The following RALA variants were observed in gnomAD, a reference collection of about 807,000 sequenced individuals.
RALA encodes the protein RAS like proto-oncogene A.
A neutral mutation model predicts 24.0 loss-of-function variants in RALA; 5 were observed. The ratio of observed to expected loss-of-function variants is 0.21; its 90% CI spans 0.11 to 0.44. The LOEUF (loss-of-function observed/expected upper bound fraction) is 0.44, where lower values mean the gene tolerates loss of function less well. RALA is among the 20% of genes least tolerant of loss of function. RALA has a pLI of 0.99. For missense variants in RALA, 95 were observed against 241.2 expected, an observed-to-expected ratio of 0.39 and a Z score of 4.01; for synonymous variants, 77 against 83.8, an observed-to-expected ratio of 0.92 and a Z score of 0.44.
intron 4 of RALA, among the ~76,000 whole-genome samples, chr7:39,703,803 A>G (rs1482647584): frequency 1.3e-5 from 2 of 152,202 alleles, no homozygotes; most frequent in Non-Finnish European, 2.9e-5. Flanking sequence ...AAATTACATT[A>G]ACATAATTCC....
At chr7:39,678,117 G>A (rs1186646438) in intron 1 of RALA, among the ~76,000 whole-genome samples, 2 of 150,108 alleles carry the variant, frequency 1.3e-5, no homozygotes, top group Admixed American at 6.7e-5. Context: ...TGGGTGCAGC[G>A]CACCAGCATG....
chr7:39,676,610 T>C (rs1375419272), intron 1 of RALA, among the ~76,000 whole-genome samples: 3 of 152,182 alleles, frequency 2.0e-5, no homozygotes, highest in Non-Finnish European at 4.4e-5. Context: ...GATTTTTGGA[T>C]TAGCTGTGCT....
In RALA at chr7:39,690,330, T is replaced by G. The variant is rs1373570432; in HGVS notation, c.115-52T>G. 6 of 1,459,958 alleles carry G rather than the reference T, an allele frequency of 4.1e-6. No homozygotes were observed. The East Asian group carries it at 1.4e-4, about 33-fold the overall frequency. 90.4% of individuals were successfully genotyped at this position (1,459,958 alleles called of 1,614,324 possible). A position where few individuals can be genotyped will look rare whatever the true frequency, so the allele number is the denominator to read the frequency against. On this transcript the variant is annotated intron_variant, in intron 2 of 4. Coordinates refer to ENST00000005257, the MANE Select transcript of RALA (RefSeq NM_005402.4). ...ACATGAATTTATAATTATTTCAAAATAAGTTTTGAAACGTAATAATTAAAA... is the reference window on the plus strand; with the variant it reads ...ACATGAATTTATAATTATTTCAAAAGAAGTTTTGAAACGTAATAATTAAAA...
intron 1 of RALA, among the ~76,000 whole-genome samples, chr7:39,670,031 C>T (rs893110086): frequency 1.3e-5 from 2 of 152,168 alleles, no homozygotes; most frequent in Non-Finnish European, 2.9e-5. Flanking sequence ...GAAACTCAAA[C>T]TACCAGGCTA....
intron 1 of RALA, among the ~76,000 whole-genome samples, chr7:39,681,485 T>TA (rs1275546111): frequency 1.3e-5 from 2 of 151,762 alleles, no homozygotes; most frequent in South Asian, 2.1e-4. Context: ...ACCCCATTCT[T>TA]ACCTCAATTG....
At position 39,646,692 on chromosome 7, in the gene RALA, T is replaced by C. The variant is rs967481227; in HGVS notation, c.-38+22867T>C. The stretch of plus-strand genomic sequence containing the variant: ...GTTTCTCTATAAAAGTTTCTAAGTG[T>C]GTACTCTCAAATTTATTCTGTTCTA... On this transcript the variant is annotated intron_variant, in intron 1 of 4. Transcript: ENST00000005257. Among the ~76,000 whole-genome samples the C allele has an allele frequency of 2.4e-4, 37 of 152,354 alleles. 1 individual carries two copies. Among genetic ancestry groups the C allele is most frequent in the South Asian group, 2.1e-3 (10 of 4,824 alleles).
chr7:39,663,325 G>C (rs529049779), intron 1 of RALA, among the ~76,000 whole-genome samples: 1 of 152,134 alleles, frequency 6.6e-6, no homozygotes, highest in Non-Finnish European at 1.5e-5. Context: ...ACTACCTCCT[G>C]TTGCTATTGT....
chr7:39,668,099 A>G (rs1180164274), intron 1 of RALA, among the ~76,000 whole-genome samples: 2 of 152,272 alleles, frequency 1.3e-5, no homozygotes, highest in African/African-American at 4.8e-5. Flanking sequence ...TAAATACTAC[A>G]TAGAAAAAGT....
intron 1 of RALA, among the ~76,000 whole-genome samples, chr7:39,632,232 A>G (rs1281385908): frequency 6.6e-6 from 1 of 152,164 alleles, no homozygotes. Context: ...TACTTCCATC[A>G]TTGCTTCTCT....
At chr7:39,648,523 A>G (rs1023563656) in intron 1 of RALA, among the ~76,000 whole-genome samples, 1 of 152,174 alleles carries the variant, frequency 6.6e-6, no homozygotes, top group South Asian at 2.1e-4. Context: ...AGTAAATACA[A>G]TGGGCAAAAT....
At chr7:39,630,747 A>C (rs1791584113) in intron 1 of RALA, among the ~76,000 whole-genome samples, 1 of 152,076 alleles carries the variant, frequency 6.6e-6, no homozygotes, top group Non-Finnish European at 1.5e-5. Context: ...TGCCCCAATG[A>C]CATTTATTTA....
chr7:39,697,274 C>T (rs1792937668), intron 4 of RALA: 1 of 413,232 alleles, frequency 2.4e-6, no homozygotes. Flanking sequence ...GATGAAGAAG[C>T]CCCCAGATAA....
At chr7:39,637,230 A>G (rs905386617) in intron 1 of RALA, among the ~76,000 whole-genome samples, 1 of 152,206 alleles carries the variant, frequency 6.6e-6, no homozygotes, top group Admixed American at 6.5e-5. Flanking sequence ...AAATGATGCT[A>G]GGTTTAATCC....
intron 4 of RALA, among the ~76,000 whole-genome samples, chr7:39,698,710 G>A (rs1792964569): frequency 6.6e-6 from 1 of 152,090 alleles, no homozygotes; most frequent in Admixed American, 6.6e-5. Flanking sequence ...TGCAGACACT[G>A]GCAATCCAAG....
At chr7:39,632,738 G>A (rs766060703) in intron 1 of RALA, among the ~76,000 whole-genome samples, 10 of 152,144 alleles carry the variant, frequency 6.6e-5, no homozygotes, top group Non-Finnish European at 1.5e-4. Context: ...GATCACTTGA[G>A]CCCAGGAGGG....
At chr7:39,663,252 TATTAA>T (rs969924721) in intron 1 of RALA, among the ~76,000 whole-genome samples, 1 of 152,188 alleles carries the variant, frequency 6.6e-6, no homozygotes, top group Non-Finnish European at 1.5e-5. Flanking sequence ...AAAGATTCAG[TATTAA>T]ATTATAACTG....
intron 4 of RALA, among the ~76,000 whole-genome samples, chr7:39,699,121 ATTT>A (rs71560137): frequency 0.017 from 1,021 of 60,982 alleles, 4 homozygotes; most frequent in East Asian, 0.088. Flanking sequence ...TAAAAATGTT[ATTT>A]TTTTTTTTTT....
chr7:39,652,359 A>T (rs1327075054), intron 1 of RALA, among the ~76,000 whole-genome samples: 1 of 152,202 alleles, frequency 6.6e-6, no homozygotes, highest in Non-Finnish European at 1.5e-5. Context: ...CCCCATATCA[A>T]TTCTTACTAA....
chr7:39,648,141 A>G (rs1176618559), intron 1 of RALA, among the ~76,000 whole-genome samples: 1 of 152,096 alleles, frequency 6.6e-6, no homozygotes, highest in Admixed American at 6.5e-5. Flanking sequence ...AAAATTTTGG[A>G]ATTTTGTAGG....
Sources: allele counts gnomAD v4.1 joint callset (sites outside exome capture counted in the v4.1 genomes callset), GRCh38; gene constraint gnomAD v4.1.1; transcripts MANE v1.5; gene names NCBI Gene and HGNC (gene_info 2026-07-23, HGNC 2026-07-21).